The following SOS2 variants were observed in gnomAD, a reference collection of about 807,000 sequenced individuals.
SOS2 encodes the protein SOS Ras/Rho guanine nucleotide exchange factor 2.
Under a neutral mutation model 148.2 loss-of-function variants are expected in SOS2, and 65 were observed. The observed-to-expected ratio is 0.44, with a 90% CI of 0.36 to 0.54. SOS2 has a LOEUF of 0.54. Among genes scored for constraint, SOS2 ranks in the 20% least tolerant of loss-of-function variants. The probability of loss-of-function intolerance (pLI) is 0.00; values close to 1 mark genes in which losing one functional copy is unlikely to be tolerated. For missense variants in SOS2, 1,341 were observed against 1,590.2 expected (o/e 0.84, Z 2.67); for synonymous variants, 539 against 537.1 (o/e 1.00, Z -0.05).
chr14:50,174,405 A>T (rs1428945789), intron 8 of SOS2, 49 bp downstream of exon 8: 1 of 970,036 alleles, frequency 1.0e-6, no homozygotes, highest in Non-Finnish European at 1.5e-6. Context: ...TTTAAAAAGT[A>T]AACTCTTCTA....
rs1481289261 is a variant in SOS2, at chr14:50,195,954, GA to G, written c.510+3736del. On this transcript the variant is annotated intron_variant, in intron 4 of 22. Transcript: ENST00000216373. ...AGGCAGGAGAATTGCTTGAACCTGG[GA>G]GGCGGAGGTTGCAGTGAGCCGAGAT... Among the ~76,000 whole-genome samples, 6 of 151,656 alleles carry G rather than the reference GA, an allele frequency of 4.0e-5. No homozygotes were observed. In the East Asian group the frequency reaches 1.2e-3, roughly 29 times the overall value.
intron 4 of SOS2, among the ~76,000 whole-genome samples, chr14:50,189,331 C>CAAAACAAAAAAAA (rs1886040114): frequency 3.2e-5 from 1 of 31,486 alleles, no homozygotes; most frequent in Non-Finnish European, 6.6e-5. Flanking sequence ...CACATAATAG[C>CAAAACAAAAAAAA]AAAAAAAAAA....
intron 5 of SOS2, among the ~76,000 whole-genome samples, chr14:50,183,432 T>C (rs2139713415): frequency 6.6e-6 from 1 of 152,084 alleles, no homozygotes; most frequent in South Asian, 2.1e-4. Context: ...ATATCTTCAT[T>C]GAATCTCAAA....
At chr14:50,203,603 T>C (rs1886568506) in intron 2 of SOS2, among the ~76,000 whole-genome samples, 1 of 151,888 alleles carries the variant, frequency 6.6e-6, no homozygotes. Flanking sequence ...TATATATATA[T>C]ATATACACAC....
rs112331449 is a variant in SOS2 at position 50,209,040 on chromosome 14, A to G, written c.88-4631T>C. On this transcript the variant is annotated intron_variant, in intron 1 of 22. Transcript: ENST00000216373. The stretch of plus-strand genomic sequence containing the variant: ...CTTGACTAAAGGCCTGAATAGAACA[A>G]AAGGCTGAGAAAGAATTCTTTCTCT... Among the ~76,000 whole-genome samples the G allele has an allele frequency of 2.5e-3, 381 of 152,246 alleles. 3 individuals carry two copies. The highest frequency in any genetic ancestry group is 8.5e-3 in the African/African-American group (353 of 41,562).
chr14:50,123,071 G>T (rs1207114301), intron 21 of SOS2, among the ~76,000 whole-genome samples: 1 of 152,198 alleles, frequency 6.6e-6, no homozygotes, highest in African/African-American at 2.4e-5. Flanking sequence ...TTGGAAAGGG[G>T]TATAGAAAGA....
chr14:50,138,496 T>C (rs1884159293), intron 18 of SOS2, 116 bp downstream of exon 18: 2 of 477,060 alleles, frequency 4.2e-6, no homozygotes, highest in Non-Finnish European at 7.4e-6. Context: ...ATTAAATTAT[T>C]ATGGACTGTA....
intron 14 of SOS2, among the ~76,000 whole-genome samples, chr14:50,146,888 G>A (rs1946890552): frequency 6.6e-6 from 1 of 151,908 alleles, no homozygotes; most frequent in Non-Finnish European, 1.5e-5. Context: ...ATAAGTATAT[G>A]CAGTTTAAAA....
chr14:50,198,115 A>G (rs1434488064), intron 4 of SOS2, among the ~76,000 whole-genome samples: 1 of 152,118 alleles, frequency 6.6e-6, no homozygotes, highest in African/African-American at 2.4e-5. Flanking sequence ...ATTTTGGTAA[A>G]AAGATCATTA....
rs148595463 is a variant in SOS2 at position 50,188,612 on chromosome 14, T to C, written c.599A>G (p.Tyr200Cys). 59 of 1,610,004 alleles carry C rather than the reference T, an allele frequency of 3.7e-5. No individual in the cohort carries two copies. The Middle Eastern group carries it at 6.6e-4, about 18-fold the overall frequency. ...EPSSSGELNY[Y>C]DLVRTEIAEE... The stretch of plus-strand genomic sequence containing the variant: ...TGCGATTTCAGTTCTGACAAGATCA[T>C]AGTAGTTTAATTCACCAGAAGAACT... The change falls in exon 5 of 23, where the codon TAT becomes TGT. Residue 200 changes from tyrosine to cysteine, a missense_variant. Tyr to Cys is a radical substitution (Grantham distance 194). Transcript: ENST00000216373.
At chr14:50,215,513 A>G (rs1343484326) in intron 1 of SOS2, 11 of 1,221,252 alleles carry the variant, frequency 9.0e-6, no homozygotes, top group Non-Finnish European at 1.1e-5. Flanking sequence ...TCAGAAAAAG[A>G]GCAATTAAAA....
chr14:50,178,475 T>C lies in SOS2; in HGVS notation c.969+2097A>G, dbSNP rs1885599140. Among the ~76,000 whole-genome samples the C allele has an allele frequency of 2.0e-5, 3 of 151,964 alleles. No homozygotes were observed. The South Asian group carries it at 6.3e-4, about 32-fold the overall frequency. On this transcript the variant is annotated intron_variant, in intron 7 of 22. Transcript: ENST00000216373. ...CCAGTCTCAGTCTTCTTTTTCTTTT[T>C]TTTGTTGAGACAGAGTCTCACTCTG... is the stretch of plus-strand genomic sequence containing the variant.
chr14:50,201,157 A>G, intron 2 of SOS2, 73 bp from the exon 3 acceptor site: 1 of 1,347,838 alleles, frequency 7.4e-7, no homozygotes, highest in African/African-American at 1.4e-5. Flanking sequence ...ACAAAATTCA[A>G]CTTGATCTCT....
chr14:50,187,345 CTTTTTTTTTTT>C (rs5808541), intron 5 of SOS2, among the ~76,000 whole-genome samples: 2 of 115,160 alleles, frequency 1.7e-5, no homozygotes, highest in African/African-American at 3.2e-5. Context: ...ATTATTGTTA[CTTTTTTTTTTT>C]TTTTTTTTTG....
intron 1 of SOS2, among the ~76,000 whole-genome samples, chr14:50,205,771 T>C (rs1476319515): frequency 6.6e-6 from 1 of 151,990 alleles, no homozygotes; most frequent in Non-Finnish European, 1.5e-5. Flanking sequence ...AAATACAAAA[T>C]TAGCTGGGTG....
chr14:50,199,888 T>C lies in SOS2; in HGVS notation c.346-33A>G, dbSNP rs755839719. The C allele has an allele frequency of 5.1e-6, 7 of 1,384,474 alleles. No individual in the cohort carries two copies. The East Asian group carries it at 1.4e-4, about 29-fold the overall frequency. The allele number at this position is 1,384,474 out of a possible 1,614,324, so 85.8% of individuals were successfully genotyped here. ...AAGAATAAATAATTTAATTGCAAAA[T>C]GTAGCACTGTCAAGTATTACACACT... On this transcript the variant is annotated intron_variant, in intron 3 of 22. Transcript: ENST00000216373.
chr14:50,219,948 G>C (rs986468425), intron 1 of SOS2, among the ~76,000 whole-genome samples: 13 of 151,868 alleles, frequency 8.6e-5, no homozygotes, highest in African/African-American at 3.1e-4. Context: ...TCGAACTCCT[G>C]GGCTCAAGTG....
chr14:50,135,146 C>T (rs191050143), intron 18 of SOS2, among the ~76,000 whole-genome samples: 1 of 148,642 alleles, frequency 6.7e-6, no homozygotes, highest in Non-Finnish European at 1.5e-5. Flanking sequence ...CCTATCTGTG[C>T]TAACTTCTAG....
intron 14 of SOS2, among the ~76,000 whole-genome samples, chr14:50,149,357 T>C (rs529383992): frequency 6.6e-6 from 1 of 152,130 alleles, no homozygotes; most frequent in Admixed American, 6.6e-5. Context: ...GCAACATGGA[T>C]GAGCCCGGAG....
Sources: gnomAD v4.1 joint callset for allele counts (sites outside exome capture counted in the v4.1 genomes callset) on GRCh38, gnomAD v4.1.1 for gene constraint, MANE v1.5 for transcripts, NCBI Gene and HGNC (gene_info 2026-07-23, HGNC 2026-07-21) for gene names.